The following UBE2W variants were observed in gnomAD, a reference collection of about 807,000 sequenced individuals.
UBE2W encodes ubiquitin-conjugating enzyme E2 W.
A neutral mutation model predicts 27.2 loss-of-function variants in UBE2W; 18 were observed. The ratio of observed to expected loss-of-function variants is 0.66; its 90% confidence interval spans 0.46 to 0.98. The LOEUF (loss-of-function observed/expected upper bound fraction) is 0.98. Ranked by LOEUF, UBE2W falls within the 50% of genes least tolerant of loss-of-function variation. UBE2W has a pLI of 0.00. For synonymous variants in UBE2W, 53 were observed against 57.2 expected (o/e 0.93, Z 0.33); for missense variants, 90 against 180.2 (o/e 0.50, Z 2.87).
rs1808006605 is a variant in UBE2W at position 73,787,532 on chromosome 8, T to C, written c.*6570A>G. ...GCAGGAACAGCTTGAGACATGATCG[T>C]TTTTATGGCAGAATGGCTGCCTCAA... On this transcript the variant is annotated 3_prime_UTR_variant, in exon 6 of 6. Coordinates refer to ENST00000602593, the MANE Select transcript of UBE2W (RefSeq NM_018299.6). The C allele has an allele frequency of 8.1e-6, 8 of 985,402 alleles. No individual in the cohort carries two copies. The highest frequency in any genetic ancestry group is 4.7e-5 in the South Asian group (1 of 21,288). The allele number at this position is 985,402 out of a possible 1,614,324, so 61.0% of individuals were successfully genotyped here.
intron 3 of UBE2W, among the ~76,000 whole-genome samples, chr8:73,822,870 G>A (rs928558582): frequency 1.3e-5 from 2 of 152,166 alleles, no homozygotes; most frequent in African/African-American, 4.8e-5. Flanking sequence ...TCAAATGTAG[G>A]AGGGAGGAGT....
At chr8:73,868,556 G>T (rs1317152875) in intron 1 of UBE2W, among the ~76,000 whole-genome samples, 3 of 152,166 alleles carry the variant, frequency 2.0e-5, no homozygotes, top group Non-Finnish European at 4.4e-5. Flanking sequence ...AGCCAAGTCG[G>T]ACACAAGTCG....
chr8:73,877,308 G>C (rs768798957), intron 1 of UBE2W, among the ~76,000 whole-genome samples: 2 of 152,152 alleles, frequency 1.3e-5, no homozygotes, highest in African/African-American at 4.8e-5. Flanking sequence ...CGTCTCTGGG[G>C]AGACTAGTGT....
At chr8:73,855,285 C>CA (rs1331330276) in intron 1 of UBE2W, among the ~76,000 whole-genome samples, 1 of 151,800 alleles carries the variant, frequency 6.6e-6, no homozygotes, top group Non-Finnish European at 1.5e-5. Context: ...GGTCATACAG[C>CA]ATGTTAAGTG....
At chr8:73,780,272 CA>C (rs1807817638) in exon 5 of UBE2W, 1 of 198,116 alleles carries the variant, frequency 5.0e-6, no homozygotes, top group Non-Finnish European at 1.1e-5. Context: ...GTTGATACAT[CA>C]CCCCATGACT....
intron 1 of UBE2W, among the ~76,000 whole-genome samples, chr8:73,833,184 C>CAAAAA (rs1202478660): frequency 1.8e-3 from 56 of 31,358 alleles, no homozygotes; most frequent in African/African-American, 4.9e-3. Context: ...GACTCCACCT[C>CAAAAA]AAAAAAAAAA....
chr8:73,797,630 T>A (rs2130850361), intron 5 of UBE2W, among the ~76,000 whole-genome samples: 1 of 152,360 alleles, frequency 6.6e-6, no homozygotes. Flanking sequence ...ACTACTAGTC[T>A]GAGACAATTT....
chr8:73,838,678 AGTTAC>A (rs1810408376), intron 1 of UBE2W, among the ~76,000 whole-genome samples: 1 of 152,148 alleles, frequency 6.6e-6, no homozygotes, highest in African/African-American at 2.4e-5. Context: ...TATGACTGGG[AGTTAC>A]TACAGGGGTT....
intron 3 of UBE2W, among the ~76,000 whole-genome samples, chr8:73,813,866 C>T (rs764417051): frequency 1.7e-4 from 26 of 151,936 alleles, no homozygotes; most frequent in Middle Eastern, 3.4e-3. Flanking sequence ...GATTCTCCTG[C>T]CTCAGCCTCC....
At chr8:73,844,665 C>T (rs1008638507) in intron 1 of UBE2W, among the ~76,000 whole-genome samples, 6 of 146,448 alleles carry the variant, frequency 4.1e-5, no homozygotes, top group African/African-American at 1.3e-4. Flanking sequence ...AAGTCACAAG[C>T]GCCTCTTCCC....
At chr8:73,826,722 T>C (rs1039157818) in intron 2 of UBE2W, among the ~76,000 whole-genome samples, 17 of 152,238 alleles carry the variant, frequency 1.1e-4, no homozygotes, top group Admixed American at 3.3e-4. Flanking sequence ...GTCGCAGTTA[T>C]AGTTAATCTT....
At chr8:73,857,487 T>G (rs1433335051) in intron 1 of UBE2W, among the ~76,000 whole-genome samples, 1 of 152,056 alleles carries the variant, frequency 6.6e-6, no homozygotes. Context: ...ATCAGTATTT[T>G]GATAAAGAGC....
At chr8:73,871,940 T>C (rs1180497576) in intron 1 of UBE2W, among the ~76,000 whole-genome samples, 1 of 152,164 alleles carries the variant, frequency 6.6e-6, no homozygotes, top group East Asian at 1.9e-4. Flanking sequence ...TCACCCATGC[T>C]GGAGTAGAGT....
intron 3 of UBE2W, among the ~76,000 whole-genome samples, chr8:73,814,340 G>A (rs934781486): frequency 2.6e-5 from 4 of 152,126 alleles, no homozygotes; most frequent in Admixed American, 1.3e-4. Flanking sequence ...GCAACTTTGC[G>A]AATGTATTCA....
At chr8:73,853,651 G>A (rs1278063841) in intron 1 of UBE2W, among the ~76,000 whole-genome samples, 1 of 152,162 alleles carries the variant, frequency 6.6e-6, no homozygotes, top group Non-Finnish European at 1.5e-5. Context: ...GTGTACCTTA[G>A]TATCTTCATA....
At position 73,791,567 on chromosome 8, in the gene UBE2W, CTTTT is replaced by C. The variant is rs1046352648; in HGVS notation, c.*2531_*2534del. 1 of 985,004 alleles carries C rather than the reference CTTTT, an allele frequency of 1.0e-6. No homozygotes were observed. Among genetic ancestry groups the C allele is most frequent in the African/African-American group, 1.7e-5 (1 of 57,198 alleles). The allele number at this position is 985,004 out of a possible 1,614,324, so 61.0% of individuals were successfully genotyped here. On this transcript the variant is annotated 3_prime_UTR_variant, in exon 6 of 6. Transcript: ENST00000602593. ...CAACAATGCATTACAGAGAAATATT[CTTTT>C]TATTATTACAAGCCATTAATTGCTC...
chr8:73,853,662 AT>A (rs1375255916), intron 1 of UBE2W, among the ~76,000 whole-genome samples: 1 of 152,198 alleles, frequency 6.6e-6, no homozygotes, highest in African/African-American at 2.4e-5. Context: ...TATCTTCATA[AT>A]TAAATACCTC....
intron 2 of UBE2W, among the ~76,000 whole-genome samples, chr8:73,827,469 G>C (rs937292243): frequency 1.3e-5 from 2 of 151,908 alleles, no homozygotes; most frequent in Non-Finnish European, 2.9e-5. Flanking sequence ...CCGCCTCGGC[G>C]TCCCAAAGTG....
At chr8:73,781,636 TTA>T (rs1807847517), downstream of UBE2W, among the ~76,000 whole-genome samples, 1 of 151,144 alleles carries the variant, frequency 6.6e-6, no homozygotes, top group Admixed American at 6.6e-5. Flanking sequence ...TTTTTTTTTT[TTA>T]TTTTTAAACA....
Sources: allele counts gnomAD v4.1 joint callset (sites outside exome capture counted in the v4.1 genomes callset), GRCh38; gene constraint gnomAD v4.1.1; transcripts MANE v1.5; gene names NCBI Gene and HGNC (gene_info 2026-07-23, HGNC 2026-07-21).